RASEF: variants seen among roughly 807,000 people sequenced by gnomAD.
The protein encoded by RASEF is RAS and EF-hand domain containing, also known as ras and EF-hand domain-containing protein.
Under a neutral mutation model 90.1 loss-of-function variants are expected in RASEF, and 68 were observed. That is an observed-to-expected ratio of 0.75 (90% CI 0.62 to 0.92). RASEF has a LOEUF of 0.92. Ranked by LOEUF, RASEF falls within the 40% of genes least tolerant of loss-of-function variation. The probability of loss-of-function intolerance (pLI) is 0.00; values close to 1 mark genes in which losing one functional copy is unlikely to be tolerated. For synonymous variants in RASEF, 331 were observed against 345.2 expected (o/e 0.96, Z 0.46); for missense variants, 949 against 937.2 (o/e 1.01, Z -0.16).
At chr9:83,168,778 G>C in the RASEF span, among the ~76,000 whole-genome samples, 2 of 152,060 alleles carry the variant, frequency 1.3e-5, no homozygotes, top group Non-Finnish European at 2.9e-5. Flanking sequence ...CCTCACCCCA[G>C]TTAAAATGGC....
chr9:83,141,700 AGTGGTAGAGATACAC>A, the RASEF span, among the ~76,000 whole-genome samples: 3 of 152,148 alleles, frequency 2.0e-5, no homozygotes, highest in Non-Finnish European at 4.4e-5. Context: ...TTTGATTTGG[AGTGGTAGAGATACAC>A]GTGCCCAATG....
At chr9:83,123,875 A>AGCCGTGCTCTTCGAGTCTTCTGGAGCGCC in the RASEF span, among the ~76,000 whole-genome samples, 1 of 151,424 alleles carries the variant, frequency 6.6e-6, no homozygotes, top group Non-Finnish European at 1.5e-5. Context: ...AAGTGCAATC[A>AGCCGTGCTCTTCGAGTCTTCTGGAGCGCC]CACTGTTGTG....
At chr9:83,085,276 C>T in the RASEF span, among the ~76,000 whole-genome samples, 1 of 152,148 alleles carries the variant, frequency 6.6e-6, no homozygotes, top group Non-Finnish European at 1.5e-5. Flanking sequence ...TATTCTAAAC[C>T]ATTATCATTT....
the RASEF span, among the ~76,000 whole-genome samples, chr9:83,140,428 T>C: frequency 1.3e-5 from 2 of 152,202 alleles, no homozygotes; most frequent in Non-Finnish European, 2.9e-5. Flanking sequence ...GGAAGAAAAG[T>C]AGTCCTGCCT....
chr9:83,078,953 C>G, the RASEF span, among the ~76,000 whole-genome samples: 1 of 152,116 alleles, frequency 6.6e-6, no homozygotes, highest in African/African-American at 2.4e-5. Flanking sequence ...GATATTAGAC[C>G]TTTGTCAGAC....
chr9:82,998,321 A>C, intron 13 of RASEF, 44 bp downstream of exon 13: 1 of 1,254,018 alleles, frequency 8.0e-7, no homozygotes, highest in Non-Finnish European at 1.2e-6. Flanking sequence ...AAGGCTTGTT[A>C]ATGCAAACCC....
In RASEF at chr9:83,062,598, G is replaced by T; in HGVS notation, c.270C>A (p.Pro90=). Residue 90 remains proline (P), a synonymous_variant, in exon 1 of 17, where the codon CCC becomes CCA. Coordinates refer to ENST00000376447, the MANE Select transcript of RASEF (RefSeq NM_152573.4). ...TCTCCGGCCCCGCCTCAGACACGGC[G>T]GGCGCGGGATCCAGAGGACCCCAGT... ...RRDWGPLDPA[P]AVSEAGPETH... The T allele has an allele frequency of 6.4e-7, 1 of 1,571,894 alleles. No individual in the cohort carries two copies.
the RASEF span, among the ~76,000 whole-genome samples, chr9:83,105,350 A>G: frequency 5.9e-5 from 9 of 152,334 alleles, no homozygotes; most frequent in South Asian, 1.9e-3. Context: ...AAATAAAAAG[A>G]TAGACAGCAG....
the RASEF span, among the ~76,000 whole-genome samples, chr9:83,137,821 T>C: frequency 1.3e-5 from 2 of 150,068 alleles, no homozygotes; most frequent in Non-Finnish European, 3.0e-5. Flanking sequence ...TAGAAAGCAG[T>C]AAATGCTCAG....
the RASEF span, among the ~76,000 whole-genome samples, chr9:83,176,386 AGT>A: frequency 6.6e-6 from 1 of 152,082 alleles, no homozygotes; most frequent in Non-Finnish European, 1.5e-5. Flanking sequence ...CTTTATGTAT[AGT>A]GTGTTTCCTA....
chr9:83,199,502 A>C, the RASEF span, among the ~76,000 whole-genome samples: 1 of 152,120 alleles, frequency 6.6e-6, no homozygotes, highest in Non-Finnish European at 1.5e-5. Flanking sequence ...TAGACTCAGG[A>C]AGCACCAGAG....
chr9:83,042,890 G>A (rs1015644493), intron 1 of RASEF, among the ~76,000 whole-genome samples: 6 of 152,150 alleles, frequency 3.9e-5, no homozygotes, highest in Admixed American at 2.6e-4. Context: ...AGGAAGTACT[G>A]AGAATAGTAA....
At chr9:83,000,756 G>T in intron 10 of RASEF, 140 bp downstream of exon 10, 1 of 922,012 alleles carries the variant, frequency 1.1e-6, no homozygotes, top group Non-Finnish European at 1.6e-6. Context: ...CCCTAACTCT[G>T]TGGAGGAAAA....
At chr9:83,207,002 C>G in the RASEF span, among the ~76,000 whole-genome samples, 1 of 152,144 alleles carries the variant, frequency 6.6e-6, no homozygotes, top group Non-Finnish European at 1.5e-5. Flanking sequence ...TGACACCTGA[C>G]TCTGATTCAG....
the RASEF span, among the ~76,000 whole-genome samples, chr9:83,076,750 A>G: frequency 1.3e-5 from 2 of 152,170 alleles, no homozygotes; most frequent in Non-Finnish European, 2.9e-5. Flanking sequence ...TCATTACAAA[A>G]ACCTCAGCTT....
At chr9:83,109,124 C>T in the RASEF span, among the ~76,000 whole-genome samples, 3 of 152,288 alleles carry the variant, frequency 2.0e-5, no homozygotes, top group Non-Finnish European at 4.4e-5. Context: ...AACATGTGTA[C>T]CAAACAATGG....
the RASEF span, among the ~76,000 whole-genome samples, chr9:83,133,046 A>G: frequency 6.6e-6 from 1 of 152,178 alleles, no homozygotes; most frequent in Non-Finnish European, 1.5e-5. Context: ...GGCTTAACAA[A>G]CATTTCGATG....
rs1217460074 is a variant in RASEF, at chr9:82,992,839, A to G, written c.2040+67T>C. 26 of 1,535,530 alleles carry G rather than the reference A, an allele frequency of 1.7e-5. 1 individual carries two copies. Among genetic ancestry groups the G allele is most frequent in the Non-Finnish European group, 2.2e-5 (25 of 1,128,154 alleles). Reference sequence around the variant, plus strand: ...TCAAGCAAAGGTAGACAAAAGTGAAAGGCCACCGACTTCAAAGCCATTAAA... The same window carrying G: ...TCAAGCAAAGGTAGACAAAAGTGAAGGGCCACCGACTTCAAAGCCATTAAA... On this transcript the variant is annotated intron_variant, in intron 15 of 16. Transcript: ENST00000376447.
chr9:83,211,702 A>G, the RASEF span, among the ~76,000 whole-genome samples: 1,649 of 152,292 alleles, frequency 0.011, 26 homozygotes, highest in African/African-American at 0.036. Context: ...CATGATGCAT[A>G]TAAGGGTGTC....
Sources: allele counts gnomAD v4.1 joint callset (sites outside exome capture counted in the v4.1 genomes callset), GRCh38; gene constraint gnomAD v4.1.1; transcripts MANE v1.5; gene names NCBI Gene and HGNC (gene_info 2026-07-23, HGNC 2026-07-21).